The following MAGI1 variants were observed in gnomAD, a reference collection of about 807,000 sequenced individuals.
The protein encoded by MAGI1 is membrane associated guanylate kinase, WW and PDZ domain containing 1.
MAGI1 carries 58 observed loss-of-function variants against 139.9 expected under a neutral mutation model. The observed-to-expected ratio is 0.41, with a 90% CI of 0.34 to 0.52. The LOEUF is 0.52. Among genes scored for constraint, MAGI1 ranks in the 20% least tolerant of loss-of-function variants. The probability of loss-of-function intolerance (pLI) is 0.12; values close to 1 mark genes in which losing one functional copy is unlikely to be tolerated. For synonymous variants in MAGI1, 812 were observed against 737.9 expected, an observed-to-expected ratio of 1.10 and a Z score of -1.63; for missense variants, 1,874 against 1,901.6, an observed-to-expected ratio of 0.99 and a Z score of 0.27.
intron 2 of MAGI1, among the ~76,000 whole-genome samples, chr3:65,514,495 G>A (rs972299635): frequency 1.1e-4 from 16 of 150,470 alleles, no homozygotes; most frequent in South Asian, 6.4e-4. Context: ...AAAACTGGGC[G>A]AATGACATGA....
At chr3:65,700,208 C>G (rs995013387) in intron 1 of MAGI1, among the ~76,000 whole-genome samples, 1 of 152,046 alleles carries the variant, frequency 6.6e-6, no homozygotes, top group Non-Finnish European at 1.5e-5. Flanking sequence ...TTTTGGGAGG[C>G]CGAGGCGGGC....
At chr3:65,675,754 A>T (rs1034896069) in intron 1 of MAGI1, among the ~76,000 whole-genome samples, 1 of 152,230 alleles carries the variant, frequency 6.6e-6, no homozygotes, top group Non-Finnish European at 1.5e-5. Context: ...AACAAAACTG[A>T]TAACAATTGT....
At chr3:65,708,630 A>T (rs1362463486) in intron 1 of MAGI1, among the ~76,000 whole-genome samples, 1 of 152,104 alleles carries the variant, frequency 6.6e-6, no homozygotes, top group Non-Finnish European at 1.5e-5. Context: ...AGGATGAAAA[A>T]GTGAGAAAAA....
At chr3:65,511,833 C>G (rs1340280568) in intron 2 of MAGI1, among the ~76,000 whole-genome samples, 1 of 125,156 alleles carries the variant, frequency 8.0e-6, no homozygotes. Context: ...ACTCTCCACC[C>G]CAAATCAACA....
intron 1 of MAGI1, among the ~76,000 whole-genome samples, chr3:65,632,087 A>G (rs1381368013): frequency 6.6e-6 from 1 of 152,134 alleles, no homozygotes; most frequent in Non-Finnish European, 1.5e-5. Flanking sequence ...ATAATGCTGT[A>G]ATAAAAAACT....
In MAGI1 at chr3:65,794,773, T is replaced by C. The variant is rs78861732; in HGVS notation, c.314-172685A>G. Among the ~76,000 whole-genome samples the C allele has an allele frequency of 4.7e-4, 71 of 152,112 alleles. 1 individual carries two copies. The highest frequency in any genetic ancestry group is 1.2e-3 in the Admixed American group (19 of 15,280). On this transcript the variant is annotated intron_variant, in intron 1 of 22. Transcript: ENST00000402939. ...CACGATGACATGGGCCTTGGTCTTT[T>C]TGACTAAATCTTTTATGTAATATGT...
At chr3:65,528,477 G>A (rs2078490770) in intron 2 of MAGI1, among the ~76,000 whole-genome samples, 1 of 152,158 alleles carries the variant, frequency 6.6e-6, no homozygotes, top group Non-Finnish European at 1.5e-5. Context: ...TGTCCCCATG[G>A]AGTGGAAACT....
At chr3:65,890,500 A>G (rs1473996725) in intron 1 of MAGI1, among the ~76,000 whole-genome samples, 1 of 152,238 alleles carries the variant, frequency 6.6e-6, no homozygotes, top group East Asian at 1.9e-4. Context: ...ATAAAATTCA[A>G]CAATATTTTT....
intron 1 of MAGI1, among the ~76,000 whole-genome samples, chr3:65,916,154 C>T (rs768000508): frequency 4.1e-4 from 62 of 151,926 alleles, no homozygotes; most frequent in Non-Finnish European, 8.5e-4. Context: ...GCAACCTTTG[C>T]CTCCCGGGTT....
intron 1 of MAGI1, among the ~76,000 whole-genome samples, chr3:65,777,835 C>T (rs1001445142): frequency 4.6e-5 from 7 of 152,098 alleles, no homozygotes; most frequent in African/African-American, 1.2e-4. Flanking sequence ...CCATTGCATA[C>T]GTTTTCTGTG....
At chr3:65,968,182 TC>T (rs2064850010) in intron 1 of MAGI1, among the ~76,000 whole-genome samples, 1 of 152,248 alleles carries the variant, frequency 6.6e-6, no homozygotes, top group Non-Finnish European at 1.5e-5. Flanking sequence ...AAATGATGCA[TC>T]TTTTTGAAAG....
intron 2 of MAGI1, among the ~76,000 whole-genome samples, chr3:65,517,613 G>A (rs1037487496): frequency 1.3e-5 from 2 of 152,172 alleles, no homozygotes; most frequent in East Asian, 3.9e-4. Context: ...GTCCCCAGCA[G>A]AGGCCCTTCG....
chr3:66,032,442 G>A (rs956119124), intron 1 of MAGI1, among the ~76,000 whole-genome samples: 1 of 134,936 alleles, frequency 7.4e-6, no homozygotes, highest in Non-Finnish European at 1.5e-5. Flanking sequence ...GGCTGGTCTT[G>A]AACTCCTGAC....
chr3:65,649,891 C>A (rs112488087), intron 1 of MAGI1, among the ~76,000 whole-genome samples: 1 of 152,132 alleles, frequency 6.6e-6, no homozygotes, highest in Admixed American at 6.6e-5. Context: ...ATCACTCATA[C>A]GCTGCCTGTG....
intron 2 of MAGI1, among the ~76,000 whole-genome samples, chr3:65,499,446 G>A (rs993180769): frequency 2.6e-5 from 4 of 152,066 alleles, no homozygotes; most frequent in African/African-American, 7.2e-5. Flanking sequence ...TCAGGAGATC[G>A]AGATCATCCT....
chr3:65,734,312 T>C (rs1438217631), intron 1 of MAGI1, among the ~76,000 whole-genome samples: 1 of 151,848 alleles, frequency 6.6e-6, no homozygotes, highest in Admixed American at 6.6e-5. Flanking sequence ...TTTAAAGACT[T>C]GGCCAGGTAT....
chr3:65,752,167 G>A (rs1271102550), intron 1 of MAGI1, among the ~76,000 whole-genome samples: 2 of 151,996 alleles, frequency 1.3e-5, no homozygotes, highest in African/African-American at 2.4e-5. Context: ...CAGGCTGGTT[G>A]CAAACTCCTG....
intron 1 of MAGI1, among the ~76,000 whole-genome samples, chr3:65,776,595 G>A (rs950662818): frequency 6.6e-6 from 1 of 152,156 alleles, no homozygotes; most frequent in African/African-American, 2.4e-5. Context: ...CCAGGCAGCT[G>A]CAGGAAATCT....
rs373318918 is a variant in MAGI1 at position 65,493,503 on chromosome 3, G to C, written c.550+9C>G. The C allele has an allele frequency of 1.9e-6, 3 of 1,614,060 alleles. No homozygotes were observed. Among genetic ancestry groups the C allele is most frequent in the Non-Finnish European group, 2.5e-6 (3 of 1,180,000 alleles). On this transcript the variant is annotated intron_variant, in intron 3 of 22. Transcript: ENST00000402939. ...AGAAGCTTTTTATGCTGTCGTACAAGTAACTCACCTTCATAGGTGCCGACT... is the reference window on the plus strand; with the variant it reads ...AGAAGCTTTTTATGCTGTCGTACAACTAACTCACCTTCATAGGTGCCGACT...
Sources: gnomAD v4.1 joint callset for allele counts (sites outside exome capture counted in the v4.1 genomes callset) on GRCh38, gnomAD v4.1.1 for gene constraint, MANE v1.5 for transcripts, NCBI Gene and HGNC (gene_info 2026-07-23, HGNC 2026-07-21) for gene names.